ARHGAP24: variants seen among roughly 807,000 people sequenced by gnomAD.
ARHGAP24 encodes the protein Rho GTPase activating protein 24.
In ARHGAP24, 50 loss-of-function variants were observed where a neutral mutation model predicts 76.4. The ratio of observed to expected loss-of-function variants is 0.65; its 90% CI spans 0.52 to 0.83. The LOEUF (loss-of-function observed/expected upper bound fraction) is 0.83, where lower values mean the gene tolerates loss of function less well. ARHGAP24 is among the 40% of genes least tolerant of loss of function. ARHGAP24 has a pLI of 0.00. For missense variants in ARHGAP24, 930 were observed against 914.2 expected, an observed-to-expected ratio of 1.02 and a Z score of -0.22; for synonymous variants, 345 against 323.3, an observed-to-expected ratio of 1.07 and a Z score of -0.72.
intron 2 of ARHGAP24, among the ~76,000 whole-genome samples, chr4:85,614,652 G>T (rs1720491039): frequency 1.3e-5 from 2 of 151,984 alleles, no homozygotes; most frequent in African/African-American, 4.8e-5. Context: ...GGATTTAAAT[G>T]GCTCTGGTGA....
intron 1 of ARHGAP24, among the ~76,000 whole-genome samples, chr4:85,540,246 A>C (rs999390102): frequency 3.6e-4 from 55 of 152,052 alleles, no homozygotes; most frequent in African/African-American, 1.3e-3. Context: ...AATATTTATA[A>C]ATAAACACAA....
intron 3 of ARHGAP24, among the ~76,000 whole-genome samples, chr4:85,923,300 C>T (rs898007964): frequency 6.6e-6 from 1 of 152,178 alleles, no homozygotes; most frequent in Non-Finnish European, 1.5e-5. Flanking sequence ...CACTTTTCCA[C>T]CTTCTCTGTC....
intron 5 of ARHGAP24, among the ~76,000 whole-genome samples, chr4:85,956,761 A>C (rs771155601): frequency 3.0e-4 from 46 of 152,178 alleles, no homozygotes; most frequent in Non-Finnish European, 1.0e-4. Flanking sequence ...AGCACAGCCG[A>C]CACCCAGCCA....
intron 3 of ARHGAP24, among the ~76,000 whole-genome samples, chr4:85,888,572 CTT>C (rs1311656896): frequency 6.6e-6 from 1 of 151,764 alleles, no homozygotes; most frequent in African/African-American, 2.4e-5. Context: ...ACTGAGGTAT[CTT>C]TTTTTATTTA....
At chr4:85,607,402 AAGAG>A (rs1198738307) in intron 2 of ARHGAP24, among the ~76,000 whole-genome samples, 2 of 151,120 alleles carry the variant, frequency 1.3e-5, no homozygotes, top group Admixed American at 6.6e-5. Context: ...GAGAGAGAGA[AAGAG>A]AGAAAGAGAG....
chr4:85,924,954 C>T lies in ARHGAP24; in HGVS notation c.391+1184C>T, dbSNP rs114423303. ...ATTACTGTTTGTGCTACCTTTCATT[C>T]CCACGGTGTTCTAGTTTGGATGACA... On this transcript the variant is annotated intron_variant, in intron 4 of 9. Transcript: ENST00000395184. 7.4e-3 allele frequency among the ~76,000 whole-genome samples: 1,122 copies of T among 152,276 alleles called. 13 individuals carry two copies. Among genetic ancestry groups the T allele is most frequent in the African/African-American group, 0.026 (1,069 of 41,560 alleles).
At chr4:85,903,437 A>T (rs2148792720) in intron 3 of ARHGAP24, among the ~76,000 whole-genome samples, 1 of 152,252 alleles carries the variant, frequency 6.6e-6, no homozygotes, top group Middle Eastern at 3.4e-3. Flanking sequence ...ATTATATGGC[A>T]GTTATATTTT....
At chr4:85,942,388 G>A in intron 5 of ARHGAP24, 115 bp downstream of exon 5, 1 of 1,266,738 alleles carries the variant, frequency 7.9e-7, no homozygotes, top group Non-Finnish European at 1.1e-6. Context: ...TTACAACATA[G>A]ATTATTTGGC....
rs575194785 is a variant in ARHGAP24 at position 85,837,808 on chromosome 4, C to A, written c.269-85840C>A. On this transcript the variant is annotated intron_variant, in intron 3 of 9. Coordinates refer to ENST00000395184, the MANE Select transcript of ARHGAP24 (RefSeq NM_001025616.3). Reference sequence around the variant, plus strand: ...GCAATGTTGTAGGGAAATTTCCCTACGTGGGAATCAATCTTTGTAACTGAT... The same window carrying A: ...GCAATGTTGTAGGGAAATTTCCCTAAGTGGGAATCAATCTTTGTAACTGAT... 5.9e-5 allele frequency among the ~76,000 whole-genome samples: 9 copies of A among 152,280 alleles called. No homozygotes were observed. In the East Asian group the frequency reaches 1.5e-3, roughly 26 times the overall value.
intron 5 of ARHGAP24, among the ~76,000 whole-genome samples, chr4:85,966,130 G>A (rs959216853): frequency 3.3e-5 from 5 of 152,124 alleles, no homozygotes; most frequent in African/African-American, 1.2e-4. Flanking sequence ...TCTTGGACAA[G>A]GGGAGAGAGA....
intron 1 of ARHGAP24, among the ~76,000 whole-genome samples, chr4:85,511,154 A>T (rs531410529): frequency 2.6e-5 from 4 of 152,364 alleles, no homozygotes; most frequent in African/African-American, 9.6e-5. Context: ...ATTTTAAAAT[A>T]ATTACAAAAA....
intron 1 of ARHGAP24, among the ~76,000 whole-genome samples, chr4:85,493,347 T>C (rs1004871898): frequency 6.6e-6 from 1 of 152,236 alleles, no homozygotes; most frequent in East Asian, 1.9e-4. Context: ...GTTGTCACTA[T>C]GGTGTTTGCC....
chr4:85,679,640 A>G (rs1723127943), intron 2 of ARHGAP24, among the ~76,000 whole-genome samples: 1 of 152,132 alleles, frequency 6.6e-6, no homozygotes, highest in Non-Finnish European at 1.5e-5. Context: ...CCTTTGAGGC[A>G]CATGAAGATT....
intron 3 of ARHGAP24, among the ~76,000 whole-genome samples, chr4:85,843,566 T>C (rs994808411): frequency 1.1e-4 from 16 of 152,032 alleles, no homozygotes; most frequent in Non-Finnish European, 2.1e-4. Context: ...AGACATTTCA[T>C]AGAAAGTTTG....
In ARHGAP24 at chr4:85,939,839, C is replaced by T. The variant is rs370081769; in HGVS notation, c.392-2227C>T. Among the ~76,000 whole-genome samples, 7 of 151,880 alleles carry T rather than the reference C, an allele frequency of 4.6e-5. No homozygotes were observed. The East Asian group carries it at 1.2e-3, about 25-fold the overall frequency. ...AATTGCAACATCCTTAGTAGATTTT[C>T]TGTTGGATTTGGAGAGAACCCTTAG... On this transcript the variant is annotated intron_variant, in intron 4 of 9. Coordinates refer to ENST00000395184, the MANE Select transcript of ARHGAP24 (RefSeq NM_001025616.3).
chr4:85,721,748 T>C (rs964250881), intron 2 of ARHGAP24, 137 bp from the exon 3 acceptor site: 2 of 745,538 alleles, frequency 2.7e-6, no homozygotes, highest in Non-Finnish European at 4.6e-6. Flanking sequence ...TTTTTGATTA[T>C]TGGGAATATA....
At chr4:85,935,561 T>C (rs748312520) in intron 4 of ARHGAP24, among the ~76,000 whole-genome samples, 1 of 152,212 alleles carries the variant, frequency 6.6e-6, no homozygotes, top group Non-Finnish European at 1.5e-5. Context: ...TAACATAACA[T>C]AGTGAAAAAT....
At chr4:85,641,277 T>A (rs1208795208) in intron 2 of ARHGAP24, among the ~76,000 whole-genome samples, 1 of 152,140 alleles carries the variant, frequency 6.6e-6, no homozygotes, top group Non-Finnish European at 1.5e-5. Flanking sequence ...TCCCCTTTTT[T>A]GTACATCATT....
At chr4:85,624,692 T>C (rs796259791) in intron 2 of ARHGAP24, among the ~76,000 whole-genome samples, 3 of 150,906 alleles carry the variant, frequency 2.0e-5, no homozygotes, top group African/African-American at 7.2e-5. Flanking sequence ...TCTGGTAGAA[T>C]TCAGTGGTCC....
Sources: allele counts gnomAD v4.1 joint callset (sites outside exome capture counted in the v4.1 genomes callset), GRCh38; gene constraint gnomAD v4.1.1; transcripts MANE v1.5; gene names NCBI Gene and HGNC (gene_info 2026-07-23, HGNC 2026-07-21).